KDM4C: variants seen among roughly 807,000 people sequenced by gnomAD.
KDM4C encodes the protein lysine-specific demethylase 4C.
In KDM4C, 81 loss-of-function variants were observed where a neutral mutation model predicts 129.3. The ratio of observed to expected loss-of-function variants is 0.63; its 90% CI spans 0.52 to 0.75. The LOEUF (loss-of-function observed/expected upper bound fraction) is 0.75. Among genes scored for constraint, KDM4C ranks in the 30% least tolerant of loss-of-function variants. KDM4C has a pLI of 0.00. For synonymous variants in KDM4C, 573 were observed against 456.1 expected (o/e 1.26, Z -3.26); for missense variants, 1,457 against 1,304.0 (o/e 1.12, Z -1.81).
At chr9:7,103,588 T>G in intron 17 of KDM4C, 97 bp from the exon 18 acceptor site, 2 of 887,456 alleles carry the variant, frequency 2.3e-6, no homozygotes, top group Non-Finnish European at 3.4e-6. Context: ...TTGTTTTTTT[T>G]TTTTTTTCTT....
chr9:7,032,276 C>T (rs898944960), intron 15 of KDM4C, among the ~76,000 whole-genome samples: 1 of 152,182 alleles, frequency 6.6e-6, no homozygotes, highest in Non-Finnish European at 1.5e-5. Context: ...TCTGTCCTGT[C>T]TACAGCAAGA....
intron 17 of KDM4C, among the ~76,000 whole-genome samples, chr9:7,062,513 G>C (rs182478418): frequency 8.3e-4 from 126 of 152,138 alleles, no homozygotes; most frequent in Non-Finnish European, 1.2e-4. Flanking sequence ...TCAGCCTTCT[G>C]AGTAGCTGGG....
chr9:6,997,165 CTGTT>C (rs1376254640), intron 12 of KDM4C, among the ~76,000 whole-genome samples: 3 of 152,102 alleles, frequency 2.0e-5, no homozygotes, highest in South Asian at 2.1e-4. Flanking sequence ...CACATAATGA[CTGTT>C]TGTTGTTGCT....
At chr9:6,959,351 C>G (rs1447355351) in intron 8 of KDM4C, among the ~76,000 whole-genome samples, 1 of 152,162 alleles carries the variant, frequency 6.6e-6, no homozygotes, top group Non-Finnish European at 1.5e-5. Flanking sequence ...TCTTTGCCTC[C>G]CTGTCCTTTT....
intron 8 of KDM4C, among the ~76,000 whole-genome samples, chr9:6,921,370 A>T (rs953469172): frequency 3.3e-5 from 5 of 152,214 alleles, no homozygotes; most frequent in African/African-American, 1.2e-4. Flanking sequence ...TAACAAGCCC[A>T]GAAAGTGCTG....
At chr9:7,023,672 T>C (rs1825279592) in intron 15 of KDM4C, among the ~76,000 whole-genome samples, 1 of 152,144 alleles carries the variant, frequency 6.6e-6, no homozygotes, top group Admixed American at 6.5e-5. Flanking sequence ...TTCGTCTAAT[T>C]TTGTGTTTCG....
chr9:7,049,534 G>C (rs10976008), intron 17 of KDM4C, among the ~76,000 whole-genome samples: 5 of 152,000 alleles, frequency 3.3e-5, no homozygotes, highest in Non-Finnish European at 5.9e-5. Context: ...AAATTGTTTA[G>C]ATTTTTCTCT....
At chr9:7,172,400 T>C (rs1035904825) in intron 21 of KDM4C, among the ~76,000 whole-genome samples, 17 of 152,272 alleles carry the variant, frequency 1.1e-4, no homozygotes, top group African/African-American at 3.9e-4. Context: ...AAATCGGTTT[T>C]ATTATTGTAT....
In KDM4C at chr9:6,758,653, C is replaced by T. The variant is rs746742081; in HGVS notation, c.-18+450C>T. 5.3e-5 allele frequency among the ~76,000 whole-genome samples: 8 copies of T among 152,228 alleles called. No homozygotes were observed. The highest frequency in any genetic ancestry group is 9.6e-5 in the African/African-American group (4 of 41,464). ...CCGCGGGGTGAGGGTGGGAGCTCCT[C>T]TCCTGACCACCCGTTGCAGGCAGTC... On this transcript the variant is annotated intron_variant, in intron 1 of 21. Coordinates refer to ENST00000381309, the MANE Select transcript of KDM4C (RefSeq NM_015061.6). The surrounding 1 kb of genome is among the most constrained non-coding windows in gnomAD (Gnocchi z 4.6).
rs1837804953 is a variant in KDM4C, at chr9:7,107,345, CAAAT to C, written c.2610+3477_2610+3480del. ...CTTGGAAATGTATTTTTTCTTCAAA[CAAAT>C]AGTCAGCTACCTATACACTATATAC... On this transcript the variant is annotated intron_variant, in intron 18 of 21. Transcript: ENST00000381309. Among the ~76,000 whole-genome samples the C allele has an allele frequency of 2.6e-5, 4 of 152,188 alleles. No homozygotes were observed. The South Asian group carries it at 6.2e-4, about 24-fold the overall frequency.
At position 6,977,772 on chromosome 9, in the gene KDM4C, C is replaced by T. The variant is rs10975945; in HGVS notation, c.922-3153C>T. 7.9e-5 allele frequency among the ~76,000 whole-genome samples: 12 copies of T among 152,230 alleles called. No homozygotes were observed. In the East Asian group the frequency reaches 1.2e-3, roughly 15 times the overall value. ...AGGAGCTTGATGTACACTGCTGTCA[C>T]CTCTCCTGTGACAATGGCCCAGTCC... On this transcript the variant is annotated intron_variant, in intron 8 of 21. Coordinates refer to ENST00000381309, the MANE Select transcript of KDM4C (RefSeq NM_015061.6).
rs7045367 is a variant in KDM4C at position 6,864,646 on chromosome 9, T to A, written c.629+14946T>A. 9.1e-3 allele frequency among the ~76,000 whole-genome samples: 1,386 copies of A among 151,880 alleles called. 17 individuals carry two copies. The highest frequency in any genetic ancestry group is 0.027 in the African/African-American group (1,134 of 41,506). On this transcript the variant is annotated intron_variant, in intron 5 of 21. Coordinates refer to ENST00000381309, the MANE Select transcript of KDM4C (RefSeq NM_015061.6). ...AACATGCCCAGCTAATTTTTTTTTT[T>A]AAATTTATTTTATTTATTTATCTTT...
intron 15 of KDM4C, among the ~76,000 whole-genome samples, chr9:7,028,130 T>C (rs1826100755): frequency 1.3e-5 from 2 of 151,884 alleles, no homozygotes; most frequent in African/African-American, 4.8e-5. Context: ...ACCTTTACTT[T>C]CCCCCCTACT....
intron 8 of KDM4C, among the ~76,000 whole-genome samples, chr9:6,919,582 T>C (rs1466348150): frequency 1.4e-5 from 2 of 147,188 alleles, no homozygotes; most frequent in Admixed American, 6.9e-5. Context: ...TATCTATCTA[T>C]CTATCTATCT....
chr9:7,130,331 C>T (rs1447946759), intron 19 of KDM4C, among the ~76,000 whole-genome samples: 1 of 152,208 alleles, frequency 6.6e-6, no homozygotes, highest in Non-Finnish European at 1.5e-5. Flanking sequence ...AGCCTATACA[C>T]ACCATGCCAG....
intron 8 of KDM4C, among the ~76,000 whole-genome samples, chr9:6,969,240 T>C (rs1018586): frequency 0.3 from 45,892 of 152,068 alleles, 8,081 homozygotes; most frequent in East Asian, 0.72. Flanking sequence ...TCGGCCTGGG[T>C]TGTTAATTAC....
chr9:7,103,343 T>A (rs1167590082), intron 17 of KDM4C, among the ~76,000 whole-genome samples: 1 of 152,224 alleles, frequency 6.6e-6, no homozygotes, highest in East Asian at 1.9e-4. Flanking sequence ...CAGAAGTAGC[T>A]TCAACATTCA....
intron 15 of KDM4C, among the ~76,000 whole-genome samples, chr9:7,036,072 G>T (rs992775483): frequency 2.6e-5 from 4 of 152,170 alleles, no homozygotes; most frequent in Non-Finnish European, 5.9e-5. Flanking sequence ...AGATTGCCTT[G>T]GGTAATACTG....
intron 19 of KDM4C, among the ~76,000 whole-genome samples, chr9:7,146,332 C>G (rs993830805): frequency 5.3e-5 from 8 of 152,090 alleles, no homozygotes; most frequent in Non-Finnish European, 1.0e-4. Flanking sequence ...TTTTTATAAT[C>G]AGAAAAAGTT....
Sources: gnomAD v4.1 joint callset for allele counts (sites outside exome capture counted in the v4.1 genomes callset) on GRCh38, gnomAD v4.1.1 for gene constraint, Gnocchi (gnomAD v3.1) non-coding constraint, MANE v1.5 for transcripts, NCBI Gene and HGNC (gene_info 2026-07-23, HGNC 2026-07-21) for gene names.